Variants in KLF12 observed in about 807,000 individuals in gnomAD.
KLF12 encodes the protein KLF transcription factor 12.
A neutral mutation model predicts 37.8 loss-of-function variants in KLF12; 9 were observed. The ratio of observed to expected loss-of-function variants is 0.24; its 90% CI spans 0.14 to 0.42. The LOEUF is 0.42. Among genes scored for constraint, KLF12 ranks in the 10% least tolerant of loss-of-function variants. The pLI is 1.00. For synonymous variants in KLF12, 208 were observed against 202.1 expected, an observed-to-expected ratio of 1.03 and a Z score of -0.25; for missense variants, 411 against 516.0, an observed-to-expected ratio of 0.80 and a Z score of 1.97.
At chr13:74,132,030 A>G (rs891961056) in intron 1 of KLF12, among the ~76,000 whole-genome samples, 2 of 152,150 alleles carry the variant, frequency 1.3e-5, no homozygotes, top group South Asian at 2.1e-4. Context: ...ACCTAAAAGT[A>G]TACTCCTTTA....
At chr13:74,234,465 A>T in the KLF12 span, among the ~76,000 whole-genome samples, 3 of 152,214 alleles carry the variant, frequency 2.0e-5, no homozygotes, top group Non-Finnish European at 4.4e-5. Flanking sequence ...CTTACATGAG[A>T]TTATGTTTGC....
At chr13:74,170,267 C>T in the KLF12 span, among the ~76,000 whole-genome samples, 6 of 152,302 alleles carry the variant, frequency 3.9e-5, no homozygotes, top group African/African-American at 1.4e-4. Context: ...CTGCTCTCTG[C>T]TTTCAATGTC....
At chr13:74,219,950 A>AT in the KLF12 span, among the ~76,000 whole-genome samples, 5 of 152,028 alleles carry the variant, frequency 3.3e-5, no homozygotes, top group South Asian at 2.1e-4. Context: ...TAATTTTAGG[A>AT]TTTTTTTAAC....
At chr13:73,773,647 C>T (rs1267706422) in intron 5 of KLF12, among the ~76,000 whole-genome samples, 2 of 152,110 alleles carry the variant, frequency 1.3e-5, no homozygotes, top group African/African-American at 4.8e-5. Context: ...TCCCCTAATC[C>T]CTTGGCTGCA....
chr13:74,054,356 G>C (rs561740812), intron 1 of KLF12, among the ~76,000 whole-genome samples: 11 of 152,228 alleles, frequency 7.2e-5, no homozygotes, highest in African/African-American at 2.6e-4. Context: ...AAAGCCATTA[G>C]GGTAGCTGTA....
intron 3 of KLF12, among the ~76,000 whole-genome samples, chr13:73,914,419 C>T (rs1355726574): frequency 1.3e-5 from 2 of 152,180 alleles, no homozygotes; most frequent in Non-Finnish European, 2.9e-5. Context: ...TCACTAACTC[C>T]TACCTTGACT....
chr13:74,059,782 A>G (rs1052115690), intron 1 of KLF12, among the ~76,000 whole-genome samples: 17 of 152,088 alleles, frequency 1.1e-4, no homozygotes, highest in African/African-American at 4.1e-4. Context: ...TTTTAACTTA[A>G]GTTCCATTTG....
chr13:73,992,531 A>G (rs1195949815), intron 2 of KLF12, among the ~76,000 whole-genome samples: 1 of 152,210 alleles, frequency 6.6e-6, no homozygotes, highest in Non-Finnish European at 1.5e-5. Context: ...AACTCTCAGT[A>G]TGGACACAAC....
chr13:73,753,712 G>A (rs1878947716), intron 6 of KLF12, among the ~76,000 whole-genome samples: 1 of 151,254 alleles, frequency 6.6e-6, no homozygotes, highest in South Asian at 2.1e-4. Flanking sequence ...AAGATGATCA[G>A]GTTTGTAAGT....
rs1566301810 is a variant in KLF12, at chr13:73,695,463, T to TA, written c.*26dup. 13 of 1,608,432 alleles carry TA rather than the reference T, an allele frequency of 8.1e-6. No homozygotes were observed. Among genetic ancestry groups the TA allele is most frequent in the Non-Finnish European group, 1.1e-5 (13 of 1,176,084 alleles). On this transcript the variant is annotated 3_prime_UTR_variant, in exon 8 of 8. Transcript: ENST00000377669. The stretch of plus-strand genomic sequence containing the variant: ...GGGTGCCGCTAAGAGATCCAGCTCT[T>TA]ACGCTCAGCTGGACAGGTAGCATTC...
chr13:74,010,004 CACTGGTGAG>C (rs1229681020), intron 1 of KLF12, among the ~76,000 whole-genome samples: 1 of 152,116 alleles, frequency 6.6e-6, no homozygotes, highest in African/African-American at 2.4e-5. Context: ...GGCTGGAGTA[CACTGGTGAG>C]ATCTCGGCTC....
chr13:74,176,181 C>T, the KLF12 span, among the ~76,000 whole-genome samples: 93 of 152,266 alleles, frequency 6.1e-4, no homozygotes, highest in Admixed American at 1.1e-3. Context: ...TGTGTTGGTG[C>T]ATGTGTGTGA....
At chr13:74,143,880 T>C in the KLF12 span, among the ~76,000 whole-genome samples, 1 of 152,222 alleles carries the variant, frequency 6.6e-6, no homozygotes, top group Non-Finnish European at 1.5e-5. Flanking sequence ...TGTAGGCTAA[T>C]GTTAAGTGTT....
chr13:74,065,678 C>T (rs974825991), intron 1 of KLF12, among the ~76,000 whole-genome samples: 2 of 152,006 alleles, frequency 1.3e-5, no homozygotes, highest in African/African-American at 4.8e-5. Flanking sequence ...GATAAATTCC[C>T]AGTTTCTGAG....
At chr13:74,077,766 AGT>A (rs1364596475) in intron 1 of KLF12, among the ~76,000 whole-genome samples, 1 of 152,218 alleles carries the variant, frequency 6.6e-6, no homozygotes, top group African/African-American at 2.4e-5. Flanking sequence ...AGAAAGAACA[AGT>A]TCTCGGACAT....
chr13:74,135,293 C>A, upstream of KLF12, among the ~76,000 whole-genome samples: 1 of 151,936 alleles, frequency 6.6e-6, no homozygotes, highest in South Asian at 2.1e-4. Flanking sequence ...GCAGAGGAAG[C>A]GGGATCTGCA....
chr13:74,044,707 T>C (rs2138560672), intron 1 of KLF12, among the ~76,000 whole-genome samples: 1 of 151,912 alleles, frequency 6.6e-6, no homozygotes, highest in Non-Finnish European at 1.5e-5. Flanking sequence ...TTGCCAGATG[T>C]AGTGGCGGGC....
intron 3 of KLF12, among the ~76,000 whole-genome samples, chr13:73,889,171 A>G (rs1328066345): frequency 6.6e-6 from 1 of 152,220 alleles, no homozygotes; most frequent in East Asian, 1.9e-4. Flanking sequence ...AGAGACACAG[A>G]AAGCCAGAAA....
At chr13:74,036,996 G>A (rs1161620823) in intron 1 of KLF12, among the ~76,000 whole-genome samples, 1 of 152,132 alleles carries the variant, frequency 6.6e-6, no homozygotes, top group Non-Finnish European at 1.5e-5. Context: ...ACGAGGTCAG[G>A]AGTTCAAGAC....
Sources: gnomAD v4.1 joint callset for allele counts (sites outside exome capture counted in the v4.1 genomes callset) on GRCh38, gnomAD v4.1.1 for gene constraint, MANE v1.5 for transcripts, NCBI Gene and HGNC (gene_info 2026-07-23, HGNC 2026-07-21) for gene names.